SNTG2: variants seen among roughly 807,000 people sequenced by gnomAD.
SNTG2 encodes gamma-2-syntrophin.
A neutral mutation model predicts 70.9 loss-of-function variants in SNTG2; 74 were observed. The observed-to-expected ratio is 1.04, with a 90% confidence interval of 0.86 to 1.27. The LOEUF (loss-of-function observed/expected upper bound fraction) is 1.27, where lower values mean the gene tolerates loss of function less well. Ranked by LOEUF, SNTG2 falls within the 50% of genes most tolerant of loss-of-function variation. The pLI is 0.00. For synonymous variants in SNTG2, 278 were observed against 273.8 expected, an observed-to-expected ratio of 1.02 and a Z score of -0.15; for missense variants, 717 against 690.7, an observed-to-expected ratio of 1.04 and a Z score of -0.43.
chr2:1,037,960 G>A (rs1661224208), intron 1 of SNTG2, among the ~76,000 whole-genome samples: 2 of 152,108 alleles, frequency 1.3e-5, no homozygotes. Flanking sequence ...TATGTACTTG[G>A]GTGGGCTTGC....
intron 10 of SNTG2, among the ~76,000 whole-genome samples, chr2:1,238,941 G>C (rs1316806260): frequency 6.6e-6 from 1 of 152,176 alleles, no homozygotes; most frequent in Non-Finnish European, 1.5e-5. Context: ...CAAAACAGAA[G>C]TTAACCTAAC....
rs1299265918 is a variant in SNTG2 at position 1,267,538 on chromosome 2, A to G, written c.1251A>G (p.Gln417=). The G allele has an allele frequency of 6.2e-6, 10 of 1,613,342 alleles. No homozygotes were observed. Among genetic ancestry groups the G allele is most frequent in the Non-Finnish European group, 7.6e-6 (9 of 1,179,902 alleles). Residue 417 remains glutamine (Q), a synonymous_variant, in exon 14 of 17, where the codon CAA becomes CAG. Transcript: ENST00000308624. ...SELAMWEKSF[Q]RATFMEVQRT... is the part of the protein sequence containing the mutation. ...TGGCCATGTGGGAGAAGTCCTTCCAAAGAGCCACGTTCATGGAAGTTCAGA... is the reference window on the plus strand; with the variant it reads ...TGGCCATGTGGGAGAAGTCCTTCCAGAGAGCCACGTTCATGGAAGTTCAGA...
intron 6 of SNTG2, among the ~76,000 whole-genome samples, chr2:1,144,446 A>C (rs950140895): frequency 5.9e-5 from 9 of 152,238 alleles, no homozygotes; most frequent in Non-Finnish European, 1.3e-4. Flanking sequence ...TCACCAAGAC[A>C]GACCACATTC....
At chr2:1,121,241 T>C (rs1234934685) in intron 4 of SNTG2, among the ~76,000 whole-genome samples, 1 of 152,058 alleles carries the variant, frequency 6.6e-6, no homozygotes, top group Non-Finnish European at 1.5e-5. Context: ...CCAGAACTTC[T>C]GGGATGCCGC....
intron 1 of SNTG2, among the ~76,000 whole-genome samples, chr2:965,198 T>C (rs1660501457): frequency 1.9e-5 from 1 of 53,214 alleles, no homozygotes; most frequent in Non-Finnish European, 4.4e-5. Context: ...TCCCCAGTCC[T>C]CCTCCTGGTC....
chr2:1,131,732 A>C (rs1421106447), intron 4 of SNTG2, among the ~76,000 whole-genome samples: 1 of 150,830 alleles, frequency 6.6e-6, no homozygotes, highest in Non-Finnish European at 1.5e-5. Context: ...GCTCACTGCA[A>C]CCTCCACCTC....
intron 16 of SNTG2, among the ~76,000 whole-genome samples, chr2:1,366,586 T>C (rs1661499282): frequency 6.6e-6 from 1 of 152,190 alleles, no homozygotes; most frequent in Non-Finnish European, 1.5e-5. Flanking sequence ...ACCGTCTCTC[T>C]AGGAAACTCT....
chr2:1,347,754 G>T (rs549932101), intron 16 of SNTG2, among the ~76,000 whole-genome samples: 1 of 152,322 alleles, frequency 6.6e-6, no homozygotes, highest in East Asian at 1.9e-4. Context: ...GAATTTATCA[G>T]TCCCAGGGAG....
chr2:962,665 G>T (rs1342524547), intron 1 of SNTG2, among the ~76,000 whole-genome samples: 2 of 152,088 alleles, frequency 1.3e-5, no homozygotes, highest in African/African-American at 4.8e-5. Context: ...CTTCATCTTT[G>T]AAATAAATAG....
At chr2:1,018,990 A>G (rs889720007) in intron 1 of SNTG2, among the ~76,000 whole-genome samples, 1 of 152,176 alleles carries the variant, frequency 6.6e-6, no homozygotes, top group African/African-American at 2.4e-5. Flanking sequence ...AGAATACAGC[A>G]CGCATGCAGA....
intron 1 of SNTG2, among the ~76,000 whole-genome samples, chr2:1,002,452 A>G (rs1436499829): frequency 6.6e-6 from 1 of 152,146 alleles, no homozygotes; most frequent in East Asian, 1.9e-4. Flanking sequence ...AAAGACATGA[A>G]CATATATTTT....
intron 9 of SNTG2, among the ~76,000 whole-genome samples, chr2:1,228,048 G>T (rs183470083): frequency 2.6e-5 from 4 of 152,292 alleles, no homozygotes; most frequent in Admixed American, 2.6e-4. Flanking sequence ...CAAGGCTGGG[G>T]TCTGAGTGTC....
At chr2:1,034,464 G>T (rs546452077) in intron 1 of SNTG2, among the ~76,000 whole-genome samples, 40 of 152,230 alleles carry the variant, frequency 2.6e-4, no homozygotes, top group Non-Finnish European at 4.6e-4. Context: ...ATTTCTTTGG[G>T]TATATACCCA....
chr2:1,091,268 G>A (rs1665009181), intron 2 of SNTG2, among the ~76,000 whole-genome samples: 1 of 152,310 alleles, frequency 6.6e-6, no homozygotes, highest in East Asian at 1.9e-4. Flanking sequence ...GTGCAGGCCA[G>A]GCTGACCAGG....
At chr2:1,266,362 G>T (rs976911278) in intron 13 of SNTG2, among the ~76,000 whole-genome samples, 15 of 152,170 alleles carry the variant, frequency 9.9e-5, no homozygotes, top group African/African-American at 2.7e-4. Context: ...GAAAGAAGTG[G>T]GGAGCTCCCC....
intron 1 of SNTG2, among the ~76,000 whole-genome samples, chr2:992,561 CA>C (rs1332297279): frequency 6.6e-6 from 1 of 152,126 alleles, no homozygotes; most frequent in Non-Finnish European, 1.5e-5. Flanking sequence ...TCAACTGACC[CA>C]AATCTACCTT....
chr2:1,176,861 A>G (rs1000318262), intron 8 of SNTG2, among the ~76,000 whole-genome samples: 21 of 152,284 alleles, frequency 1.4e-4, no homozygotes, highest in African/African-American at 5.1e-4. Flanking sequence ...GAGAAATAGG[A>G]ACACTTTTTC....
chr2:973,632 C>G (rs1216105467), intron 1 of SNTG2, among the ~76,000 whole-genome samples: 1 of 151,494 alleles, frequency 6.6e-6, no homozygotes, highest in Non-Finnish European at 1.5e-5. Context: ...TTCTTTTTCT[C>G]CTCTCTTTCT....
chr2:1,261,744 A>G (rs1212435321), intron 13 of SNTG2, among the ~76,000 whole-genome samples: 2 of 152,172 alleles, frequency 1.3e-5, no homozygotes, highest in Non-Finnish European at 2.9e-5. Context: ...GTACTTCCCT[A>G]GGAACCTTGC....
Sources: allele counts gnomAD v4.1 joint callset (sites outside exome capture counted in the v4.1 genomes callset), GRCh38; gene constraint gnomAD v4.1.1; transcripts MANE v1.5; gene names NCBI Gene and HGNC (gene_info 2026-07-23, HGNC 2026-07-21).